Variants in SLC13A3 observed in about 807,000 individuals in gnomAD.
SLC13A3 encodes the protein Na(+)/dicarboxylate cotransporter 3.
Under a neutral mutation model 59.0 loss-of-function variants are expected in SLC13A3, and 40 were observed. The ratio of observed to expected loss-of-function variants is 0.68; its 90% CI spans 0.53 to 0.88. SLC13A3 has a LOEUF of 0.88. Ranked by LOEUF, SLC13A3 falls within the 40% of genes least tolerant of loss-of-function variation. The pLI, the probability that SLC13A3 is intolerant of heterozygous loss-of-function variation, is 0.00. For missense variants in SLC13A3, 699 were observed against 783.2 expected, an observed-to-expected ratio of 0.89 and a Z score of 1.28; for synonymous variants, 317 against 330.3, an observed-to-expected ratio of 0.96 and a Z score of 0.44.
chr20:46,613,934 C>A, intron 1 of SLC13A3: 1 of 486,228 alleles, frequency 2.1e-6, no homozygotes, highest in East Asian at 3.3e-5. Flanking sequence ...GTGGCATCAC[C>A]TTTCTAAGCC....
chr20:46,610,352 G>T, intron 3 of SLC13A3, 94 bp downstream of exon 3: 1 of 1,222,204 alleles, frequency 8.2e-7, no homozygotes, highest in Non-Finnish European at 1.2e-6. Flanking sequence ...CAATAAGTGT[G>T]CATGCCCTTG....
At chr20:46,589,639 A>G (rs1207667826) in intron 6 of SLC13A3, among the ~76,000 whole-genome samples, 1 of 152,196 alleles carries the variant, frequency 6.6e-6, no homozygotes, top group Non-Finnish European at 1.5e-5. Context: ...TATTCAGTAA[A>G]TGGTATCAGA....
rs574792227 is a variant in SLC13A3 at position 46,560,109 on chromosome 20, G to A, written c.1722C>T (p.Gly574=). Residue 574 remains glycine, a synonymous_variant, in exon 13 of 13, where the codon GGC becomes GGT. Transcript: ENST00000279027. Reference sequence around the variant, plus strand: ...ACATATCAGCCCAGTCCGGGAAGGTGCCCAGCTGGAAGATGGTCTGTGCCC... The same window carrying A: ...ACATATCAGCCCAGTCCGGGAAGGTACCCAGCTGGAAGATGGTCTGTGCCC... ...NTWAQTIFQL[G]TFPDWADMYS... is the part of the protein sequence containing the mutation. The A allele has an allele frequency of 3.1e-6, 5 of 1,614,122 alleles. No homozygotes were observed. The highest frequency in any genetic ancestry group is 4.2e-6 in the Non-Finnish European group (5 of 1,180,014).
chr20:46,619,424 C>T (rs75602758), intron 1 of SLC13A3, among the ~76,000 whole-genome samples: 3 of 152,234 alleles, frequency 2.0e-5, no homozygotes, highest in African/African-American at 7.2e-5. Flanking sequence ...CAAACTTCAT[C>T]AGCTTTCACT....
intron 1 of SLC13A3, among the ~76,000 whole-genome samples, chr20:46,630,951 C>A (rs1266412060): frequency 2.6e-5 from 4 of 152,148 alleles, no homozygotes; most frequent in Non-Finnish European, 5.9e-5. Context: ...ATAAGGTAAC[C>A]ACTGACCCAG....
chr20:46,587,096 C>T (rs543124455), intron 8 of SLC13A3, among the ~76,000 whole-genome samples: 23 of 152,296 alleles, frequency 1.5e-4, no homozygotes, highest in Non-Finnish European at 2.2e-4. Context: ...CAAAAAGACA[C>T]GGGCCATCTA....
rs113419510 is a variant in SLC13A3 at position 46,613,676 on chromosome 20, G to A, written c.161C>T (p.Thr54Met). The A allele has an allele frequency of 3.3e-5, 53 of 1,611,242 alleles. No individual in the cohort carries two copies. The highest frequency in any genetic ancestry group is 4.0e-5 in the Non-Finnish European group (47 of 1,178,944). ...CGTCACTGAGAGCGGCAGGGCCTCC[G>A]TGCACCAGTACACCGCCATGAGCAG... ...VILLMAVYWCTEALPLSVTAL... is the reference protein window; with the variant it reads ...VILLMAVYWCMEALPLSVTAL... Residue 54 changes from threonine to methionine, a missense_variant, in exon 2 of 13, where the codon ACG becomes ATG. Thr to Met is a moderately conservative substitution (Grantham distance 81, BLOSUM62 -1). Transcript: ENST00000279027.
At chr20:46,588,402 ACC>A (rs1262693761) in intron 7 of SLC13A3, among the ~76,000 whole-genome samples, 1 of 151,634 alleles carries the variant, frequency 6.6e-6, no homozygotes, top group Non-Finnish European at 1.5e-5. Flanking sequence ...GCCTCAAGCC[ACC>A]CCCTCCCCGA....
chr20:46,620,731 AG>A (rs1337391398), intron 1 of SLC13A3, among the ~76,000 whole-genome samples: 1 of 152,236 alleles, frequency 6.6e-6, no homozygotes, highest in African/African-American at 2.4e-5. Context: ...AATTAACAGC[AG>A]AAACAATAGC....
intron 1 of SLC13A3, among the ~76,000 whole-genome samples, chr20:46,639,650 C>A (rs954854821): frequency 3.3e-5 from 5 of 152,176 alleles, no homozygotes; most frequent in African/African-American, 1.2e-4. Flanking sequence ...CTCTGGGAAG[C>A]CTGTCTTGAT....
At chr20:46,645,254 G>A (rs978376526) in intron 1 of SLC13A3, among the ~76,000 whole-genome samples, 6 of 152,202 alleles carry the variant, frequency 3.9e-5, no homozygotes, top group African/African-American at 1.4e-4. Flanking sequence ...CCTGGATACT[G>A]CACAATAATC....
intron 1 of SLC13A3, among the ~76,000 whole-genome samples, chr20:46,663,274 T>C: frequency 6.6e-6 from 1 of 152,052 alleles, no homozygotes; most frequent in Non-Finnish European, 1.5e-5. Context: ...TGAGACCCTG[T>C]CTCTACAAAA....
chr20:46,596,212 T>C lies in SLC13A3; in HGVS notation c.739A>G (p.Thr247Ala). ...SIPYSASIGG[T>A]ATLTGTAPNL... ...GGGGCTGTGCCCGTGAGTGTGGCTG[T>C]GCCCCCAATACTGGCTGAGTAGGGG... Residue 247 changes from threonine (T) to alanine (A), a missense_variant, in exon 5 of 13, where the codon ACA becomes GCA. Coordinates refer to ENST00000279027, the MANE Select transcript of SLC13A3 (RefSeq NM_022829.6). 6.2e-7 allele frequency: 1 copy of C among 1,614,116 alleles called. No individual in the cohort carries two copies. Among genetic ancestry groups the C allele is most frequent in the African/African-American group, 1.3e-5 (1 of 75,038 alleles).
At chr20:46,568,810 C>G (rs1336291996) in intron 10 of SLC13A3, among the ~76,000 whole-genome samples, 1 of 152,210 alleles carries the variant, frequency 6.6e-6, no homozygotes, top group Non-Finnish European at 1.5e-5. Context: ...GGAGCTGCCC[C>G]GTAGCTGGGC....
At chr20:46,583,232 G>T in intron 9 of SLC13A3, 1 of 560,276 alleles carries the variant, frequency 1.8e-6, no homozygotes, top group Non-Finnish European at 2.3e-6. Context: ...CATGGACACT[G>T]AAATTTAGAT....
upstream of SLC13A3, among the ~76,000 whole-genome samples, chr20:46,653,843 T>C (rs2062967544): frequency 6.6e-6 from 1 of 152,204 alleles, no homozygotes; most frequent in South Asian, 2.1e-4. Flanking sequence ...CATTCATTTG[T>C]TGATAGACAT....
intron 10 of SLC13A3, among the ~76,000 whole-genome samples, chr20:46,569,561 G>A (rs544668156): frequency 6.6e-6 from 1 of 152,356 alleles, no homozygotes; most frequent in African/African-American, 2.4e-5. Flanking sequence ...GCCTGTCCCA[G>A]AAGGTTATTG....
chr20:46,647,853 C>T (rs1026651429), intron 1 of SLC13A3, among the ~76,000 whole-genome samples: 1 of 152,228 alleles, frequency 6.6e-6, no homozygotes, highest in East Asian at 1.9e-4. Context: ...TTGTCTCCTA[C>T]TCCACACTGC....
In SLC13A3 at chr20:46,596,336, G is replaced by C. The variant is rs1223794286; in HGVS notation, c.615C>G (p.Asp205Glu). 1.2e-6 allele frequency: 2 copies of C among 1,613,738 alleles called. No individual in the cohort carries two copies. Among genetic ancestry groups the C allele is most frequent in the Non-Finnish European group, 8.5e-7 (1 of 1,179,878 alleles). The change falls in exon 5 of 13, where the codon GAC (aspartate) becomes GAG (glutamate). Residue 205 changes from aspartate (D) to glutamate (E), a missense_variant. Physicochemically the swap from Asp to Glu is conservative, Grantham distance 45 (BLOSUM62 2). Transcript: ENST00000279027. ...GTGGAACCTCTGTCTCCCCAGGGTGGTCTTTGCTTTAAACAAATCCAAAGA... is the reference window on the plus strand; with the variant it reads ...GTGGAACCTCTGTCTCCCCAGGGTGCTCTTTGCTTTAAACAAATCCAAAGA... ...MQFLASTEAKDHPGETEVPLD... is the reference protein window; with the variant it reads ...MQFLASTEAKEHPGETEVPLD...
Sources: gnomAD v4.1 joint callset for allele counts (sites outside exome capture counted in the v4.1 genomes callset) on GRCh38, gnomAD v4.1.1 for gene constraint, MANE v1.5 for transcripts, NCBI Gene and HGNC (gene_info 2026-07-23, HGNC 2026-07-21) for gene names.